The following PCDH11X variants were observed in gnomAD, a reference collection of about 807,000 sequenced individuals.
PCDH11X encodes the protein protocadherin 11 X-linked.
A neutral mutation model predicts 53.3 loss-of-function variants in PCDH11X; 18 were observed. The observed-to-expected ratio is 0.34, with a 90% confidence interval of 0.23 to 0.50. The LOEUF (loss-of-function observed/expected upper bound fraction) is 0.50. PCDH11X is among the 20% of genes least tolerant of loss of function. The pLI is 0.98. For missense variants in PCDH11X, 570 were observed against 1,032.4 expected (o/e 0.55, Z 6.14); for synonymous variants, 279 against 393.3 (o/e 0.71, Z 3.44).
intron 6 of PCDH11X, among the ~76,000 whole-genome samples, chrX:91,962,435 G>A (rs753312301): frequency 8.9e-6 from 1 of 112,737 alleles, no homozygotes; most frequent in Admixed American, 9.3e-5. Context: ...CATACAAGGT[G>A]TGCTGATGCA....
chrX:92,447,793 A>G (rs778952787), intron 9 of PCDH11X, among the ~76,000 whole-genome samples: 141 of 112,644 alleles, frequency 1.3e-3, no homozygotes, highest in Non-Finnish European at 2.2e-3. Context: ...GCGTGCCTGG[A>G]AAATCCACAG....
At chrX:92,541,603 G>A (rs370312022) in intron 10 of PCDH11X, among the ~76,000 whole-genome samples, 2 of 110,121 alleles carry the variant, frequency 1.8e-5, no homozygotes, top group Middle Eastern at 4.6e-3. Context: ...GACAAATAGT[G>A]TAGGCTTTTA....
At chrX:92,273,695 G>A (rs1049126519) in intron 8 of PCDH11X, among the ~76,000 whole-genome samples, 11 of 110,746 alleles carry the variant, frequency 9.9e-5, no homozygotes, top group Non-Finnish European at 1.5e-4. Flanking sequence ...TTGTGGTAAG[G>A]GGTGATATTG....
At chrX:92,279,030 C>T (rs1046631939) in intron 8 of PCDH11X, among the ~76,000 whole-genome samples, 4 of 110,625 alleles carry the variant, frequency 3.6e-5, no homozygotes, top group Admixed American at 1.9e-4. Flanking sequence ...AGGCTGGTCT[C>T]GAACTCCCGA....
intron 10 of PCDH11X, among the ~76,000 whole-genome samples, chrX:92,523,309 G>T (rs773540353): frequency 9.0e-6 from 1 of 111,610 alleles, no homozygotes; most frequent in East Asian, 2.8e-4. Flanking sequence ...ACAGGGAATA[G>T]TTACTATTAG....
intron 6 of PCDH11X, among the ~76,000 whole-genome samples, chrX:92,133,049 T>C (rs1195255037): frequency 2.7e-5 from 3 of 111,012 alleles, no homozygotes; most frequent in Non-Finnish European, 5.7e-5. Context: ...TTTTGAAATT[T>C]TAAATTTCAT....
At chrX:91,968,348 C>A (rs2061896549) in intron 6 of PCDH11X, among the ~76,000 whole-genome samples, 1 of 107,581 alleles carries the variant, frequency 9.3e-6, no homozygotes, top group Non-Finnish European at 1.9e-5. Flanking sequence ...TGTAAATAGT[C>A]TTTTTCTCTC....
intron 6 of PCDH11X, among the ~76,000 whole-genome samples, chrX:92,005,600 A>C (rs2062585944): frequency 8.9e-6 from 1 of 111,806 alleles, no homozygotes; most frequent in Non-Finnish European, 1.9e-5. Flanking sequence ...TGATGGGTTC[A>C]TCTTTTTGCT....
intron 8 of PCDH11X, among the ~76,000 whole-genome samples, chrX:92,275,020 G>A (rs760229803): frequency 4.0e-4 from 43 of 107,694 alleles, no homozygotes; most frequent in South Asian, 8.4e-4. Flanking sequence ...TGAAGGAGCC[G>A]GGGAGCAGAA....
At chrX:92,226,774 C>T (rs1032561646) in intron 7 of PCDH11X, among the ~76,000 whole-genome samples, 11 of 110,542 alleles carry the variant, frequency 1.0e-4, no homozygotes, top group African/African-American at 3.6e-4. Context: ...GACATTGCTT[C>T]TGAGACTGCA....
rs750360086 is a variant in PCDH11X, at chrX:92,237,544, A to T, written c.3115-25570A>T. 3.4e-3 allele frequency among the ~76,000 whole-genome samples: 374 copies of T among 111,600 alleles called. 1 individual carries two copies. Among genetic ancestry groups the T allele is most frequent in the Middle Eastern group, 0.023 (5 of 218 alleles). On this transcript the variant is annotated intron_variant, in intron 7 of 10. Transcript: ENST00000682573. ...TGGCACATAGTAAACTCAATAAAAG[A>T]TAGTTCTCATTGTTTATAGTAAATT... is the stretch of plus-strand genomic sequence containing the variant.
At chrX:92,133,615 C>A in intron 6 of PCDH11X, among the ~76,000 whole-genome samples, 1 of 112,358 alleles carries the variant, frequency 8.9e-6, no homozygotes, top group Non-Finnish European at 1.9e-5. Flanking sequence ...ATCACCCCGC[C>A]TCGGCCTCCC....
intron 10 of PCDH11X, among the ~76,000 whole-genome samples, chrX:92,596,055 T>C (rs1602411569): frequency 8.9e-6 from 1 of 112,246 alleles, no homozygotes; most frequent in East Asian, 2.8e-4. Context: ...AGACACTGAC[T>C]CAAAAGACAT....
intron 6 of PCDH11X, among the ~76,000 whole-genome samples, chrX:92,018,180 A>G (rs2062827865): frequency 9.0e-6 from 1 of 110,741 alleles, no homozygotes; most frequent in Non-Finnish European, 1.9e-5. Flanking sequence ...TGAAACCATT[A>G]TGTATTGGCT....
At chrX:92,615,500 G>A (rs1288066286) in intron 10 of PCDH11X, among the ~76,000 whole-genome samples, 2 of 111,773 alleles carry the variant, frequency 1.8e-5, no homozygotes, top group African/African-American at 6.5e-5. Flanking sequence ...CTCTTCTCCT[G>A]CCCCAGGGCT....
intron 10 of PCDH11X, among the ~76,000 whole-genome samples, chrX:92,585,091 G>C (rs1234415674): frequency 9.0e-6 from 1 of 110,532 alleles, no homozygotes; most frequent in Non-Finnish European, 1.9e-5. Flanking sequence ...ATGGCAGAAG[G>C]CAAAGTGCAG....
chrX:91,793,729 G>A (rs757149246), intron 1 of PCDH11X, among the ~76,000 whole-genome samples: 2 of 111,424 alleles, frequency 1.8e-5, no homozygotes, highest in East Asian at 5.7e-4. Flanking sequence ...ATGGCTATGG[G>A]TTGGCTTAGA....
At chrX:92,484,285 G>A (rs1302140406) in intron 10 of PCDH11X, among the ~76,000 whole-genome samples, 1 of 100,141 alleles carries the variant, frequency 1.0e-5, no homozygotes, top group Non-Finnish European at 2.0e-5. Context: ...GTATATATAT[G>A]TATATATATG....
chrX:92,100,387 G>A (rs1266452312), intron 6 of PCDH11X, among the ~76,000 whole-genome samples: 4 of 110,188 alleles, frequency 3.6e-5, no homozygotes, highest in Non-Finnish European at 5.7e-5. Context: ...ATTTGGGTAG[G>A]TAAAGGAAAA....
Sources: gnomAD v4.1 joint callset for allele counts (sites outside exome capture counted in the v4.1 genomes callset) on GRCh38, gnomAD v4.1.1 for gene constraint, MANE v1.5 for transcripts, NCBI Gene and HGNC (gene_info 2026-07-23, HGNC 2026-07-21) for gene names.